The following ASAP1 variants were observed in gnomAD, a reference collection of about 807,000 sequenced individuals.
The protein encoded by ASAP1 is ArfGAP with SH3 domain, ankyrin repeat and PH domain 1, also known as arf-GAP with SH3 domain, ANK repeat and PH domain-containing protein 1.
Under a neutral mutation model 145.2 loss-of-function variants are expected in ASAP1, and 43 were observed. The ratio of observed to expected loss-of-function variants is 0.30; its 90% confidence interval spans 0.23 to 0.38. The LOEUF (loss-of-function observed/expected upper bound fraction) is 0.38, where lower values mean the gene tolerates loss of function less well. Among genes scored for constraint, ASAP1 ranks in the 10% least tolerant of loss-of-function variants. The pLI is 1.00. For synonymous variants in ASAP1, 546 were observed against 515.5 expected (o/e 1.06, Z -0.80); for missense variants, 1,018 against 1,355.3 (o/e 0.75, Z 3.91).
intron 7 of ASAP1, 23 bp from the exon 8 acceptor site, chr8:130,180,903 T>A: frequency 6.6e-7 from 1 of 1,513,408 alleles, no homozygotes; most frequent in Non-Finnish European, 8.8e-7. Context: ...CCAATGTCAT[T>A]ATTTAAAAAA....
At chr8:130,115,563 T>C in intron 23 of ASAP1, 65 bp downstream of exon 23, 1 of 1,248,240 alleles carries the variant, frequency 8.0e-7, no homozygotes, top group Non-Finnish European at 1.2e-6. Flanking sequence ...AAAATGGATC[T>C]TGTCTACACA....
intron 12 of ASAP1, among the ~76,000 whole-genome samples, chr8:130,155,469 C>A (rs191676901): frequency 1.3e-5 from 2 of 152,302 alleles, no homozygotes; most frequent in Admixed American, 6.5e-5. Flanking sequence ...CAGGCTCAAG[C>A]GATACTCCCA....
At chr8:130,055,041 A>G (rs2097400727) in intron 29 of ASAP1, among the ~76,000 whole-genome samples, 1 of 151,974 alleles carries the variant, frequency 6.6e-6, no homozygotes, top group Non-Finnish European at 1.5e-5. Flanking sequence ...ATCTTGCTGT[A>G]CCCACACAGC....
At chr8:130,380,709 T>A (rs916916059) in intron 2 of ASAP1, among the ~76,000 whole-genome samples, 2 of 152,134 alleles carry the variant, frequency 1.3e-5, no homozygotes, top group African/African-American at 2.4e-5. Context: ...GGAAAAAAGT[T>A]AAAAGGAACA....
chr8:130,244,232 C>G (rs1343035105), intron 3 of ASAP1, among the ~76,000 whole-genome samples: 1 of 152,164 alleles, frequency 6.6e-6, no homozygotes, highest in East Asian at 1.9e-4. Flanking sequence ...GAATGAATAT[C>G]TCTCTTATGT....
rs568600699 is a variant in ASAP1, at chr8:130,071,298, T to C, written c.2701+5050A>G. The stretch of plus-strand genomic sequence containing the variant: ...TTCAAAAAATTTTTAGCAGGAATGC[T>C]AAGTAAAAAACTGTAACCATGTTTT... On this transcript the variant is annotated intron_variant, in intron 27 of 29. Coordinates refer to ENST00000518721, the MANE Select transcript of ASAP1 (RefSeq NM_018482.4). 2.0e-5 allele frequency among the ~76,000 whole-genome samples: 3 copies of C among 152,320 alleles called. No homozygotes were observed. The South Asian group carries it at 6.2e-4, about 32-fold the overall frequency.
At chr8:130,304,873 A>G (rs1822897109) in intron 3 of ASAP1, among the ~76,000 whole-genome samples, 1 of 152,206 alleles carries the variant, frequency 6.6e-6, no homozygotes, top group Admixed American at 6.5e-5. Context: ...TGGAAAACCC[A>G]AAACAACAAA....
rs2097649338 is a variant in ASAP1, at chr8:130,152,814, G to A, written c.1011-9C>T. 3.7e-6 allele frequency: 6 copies of A among 1,603,164 alleles called. No homozygotes were observed. In the East Asian group the frequency reaches 1.1e-4, roughly 30 times the overall value. The stretch of plus-strand genomic sequence containing the variant: ...GCCATACTTTCCGGATCCTAAGGAG[G>A]AAGTCAAACACAACTAGATATAGTA... On this transcript the variant is annotated splice_polypyrimidine_tract_variant and intron_variant, in intron 12 of 29. Coordinates refer to ENST00000518721, the MANE Select transcript of ASAP1 (RefSeq NM_018482.4).
intron 1 of ASAP1, among the ~76,000 whole-genome samples, chr8:130,425,510 C>T (rs1829884257): frequency 6.6e-6 from 1 of 152,076 alleles, no homozygotes; most frequent in South Asian, 2.1e-4. Flanking sequence ...GAGCAAGACT[C>T]TGTCTCAAAA....
chr8:130,073,111 C>T (rs1371670647), intron 27 of ASAP1, among the ~76,000 whole-genome samples: 1 of 151,002 alleles, frequency 6.6e-6, no homozygotes, highest in Non-Finnish European at 1.5e-5. Context: ...TGGACGAATA[C>T]TTTGGTAGGA....
intron 3 of ASAP1, among the ~76,000 whole-genome samples, chr8:130,284,675 G>C (rs1451878925): frequency 6.6e-6 from 1 of 151,898 alleles, no homozygotes; most frequent in African/African-American, 2.4e-5. Context: ...GCCACTGGGA[G>C]GGAGGGGTAA....
intron 1 of ASAP1, among the ~76,000 whole-genome samples, chr8:130,425,020 A>C (rs1259563358): frequency 7.0e-6 from 1 of 142,926 alleles, no homozygotes; most frequent in East Asian, 2.0e-4. Flanking sequence ...AAATAAATAA[A>C]AAAAAGAGTG....
intron 16 of ASAP1, 35 bp from the exon 17 acceptor site, chr8:130,126,124 A>C (rs1236527389): frequency 8.8e-6 from 14 of 1,584,030 alleles, no homozygotes; most frequent in Middle Eastern, 3.4e-4. Flanking sequence ...TGAAACAAAA[A>C]AGACATCTAA....
chr8:130,153,628 A>G (rs889005119), intron 12 of ASAP1, among the ~76,000 whole-genome samples: 3 of 151,798 alleles, frequency 2.0e-5, no homozygotes, highest in Non-Finnish European at 4.4e-5. Flanking sequence ...TCGCCCTCCC[A>G]GAATGCTGAA....
intron 2 of ASAP1, among the ~76,000 whole-genome samples, chr8:130,401,002 T>C (rs981037161): frequency 7.3e-5 from 11 of 151,692 alleles, no homozygotes; most frequent in African/African-American, 2.7e-4. Context: ...CTCCTCAGCC[T>C]CCCGAGTAGC....
intron 1 of ASAP1, among the ~76,000 whole-genome samples, chr8:130,405,873 T>C (rs1829005457): frequency 6.6e-6 from 1 of 152,120 alleles, no homozygotes; most frequent in African/African-American, 2.4e-5. Flanking sequence ...TCTAGGTTCA[T>C]CAGAAAAAAT....
chr8:130,177,348 G>A (rs968476755), intron 9 of ASAP1, among the ~76,000 whole-genome samples: 3 of 152,182 alleles, frequency 2.0e-5, no homozygotes, highest in African/African-American at 7.2e-5. Flanking sequence ...AGAATTTAAC[G>A]TGAAAATAGA....
At chr8:130,200,687 A>T (rs530212813) in intron 5 of ASAP1, among the ~76,000 whole-genome samples, 4 of 152,196 alleles carry the variant, frequency 2.6e-5, no homozygotes, top group Non-Finnish European at 5.9e-5. Context: ...TTTTTATTTT[A>T]GTCTTTTTCT....
Position 130,340,639 on chromosome 8 carries a change from C to A in ASAP1, c.186+17378G>T, listed in dbSNP as rs544916963. On this transcript the variant is annotated intron_variant, in intron 3 of 29. Coordinates refer to ENST00000518721, the MANE Select transcript of ASAP1 (RefSeq NM_018482.4). ...AAAAAGGCTATAACGTCTAAGAAAG[C>A]AGTGTGACATGGAACAGTTAAGAAA... Among the ~76,000 whole-genome samples, 5 of 152,286 alleles carry A rather than the reference C, an allele frequency of 3.3e-5. 1 individual carries two copies. Among genetic ancestry groups the A allele is most frequent in the African/African-American group, 1.2e-4 (5 of 41,558 alleles).
Sources: gnomAD v4.1 joint callset for allele counts (sites outside exome capture counted in the v4.1 genomes callset) on GRCh38, gnomAD v4.1.1 for gene constraint, MANE v1.5 for transcripts, NCBI Gene and HGNC (gene_info 2026-07-23, HGNC 2026-07-21) for gene names.